Variants in ACTR3C observed in about 807,000 individuals in gnomAD.
ACTR3C encodes actin related protein 3C.
In ACTR3C, 18 loss-of-function variants were observed where a neutral mutation model predicts 26.3. The observed-to-expected ratio is 0.68, with a 90% CI of 0.47 to 1.01. The LOEUF (loss-of-function observed/expected upper bound fraction) is 1.01. Ranked by LOEUF, ACTR3C falls within the 50% of genes least tolerant of loss-of-function variation. ACTR3C has a pLI of 0.00. For missense variants in ACTR3C, 184 were observed against 250.7 expected (o/e 0.73, Z 1.80); for synonymous variants, 55 against 94.5 (o/e 0.58, Z 2.42).
the ACTR3C span, among the ~76,000 whole-genome samples, chr7:149,977,523 A>G: frequency 6.6e-6 from 1 of 152,200 alleles, no homozygotes; most frequent in African/African-American, 2.4e-5. Context: ...TTTCTACCAG[A>G]ACTCATTCTT....
chr7:150,291,035 A>G (rs1432189792), intron 3 of ACTR3C, among the ~76,000 whole-genome samples: 1 of 152,252 alleles, frequency 6.6e-6, no homozygotes, highest in Non-Finnish European at 1.5e-5. Context: ...ATATAACCTT[A>G]GGATTGTATT....
At chr7:150,265,526 T>A (rs1180677491) in intron 6 of ACTR3C, among the ~76,000 whole-genome samples, 1 of 152,158 alleles carries the variant, frequency 6.6e-6, no homozygotes, top group East Asian at 1.9e-4. Flanking sequence ...AAACCCCATC[T>A]CTACTAAAAA....
the ACTR3C span, among the ~76,000 whole-genome samples, chr7:150,113,585 C>A: frequency 6.6e-6 from 1 of 152,200 alleles, no homozygotes; most frequent in Non-Finnish European, 1.5e-5. Context: ...AACAATGACA[C>A]CAATTTATAC....
the ACTR3C span, among the ~76,000 whole-genome samples, chr7:150,035,178 T>C: frequency 9.4e-6 from 1 of 105,948 alleles, no homozygotes; most frequent in African/African-American, 3.7e-5. Flanking sequence ...GGGAAGAGGG[T>C]CTGGCTCTCA....
At chr7:150,003,409 T>G in the ACTR3C span, among the ~76,000 whole-genome samples, 1 of 151,354 alleles carries the variant, frequency 6.6e-6, no homozygotes, top group South Asian at 2.1e-4. Flanking sequence ...ATGGAAGAAG[T>G]GTGGCATGTA....
At chr7:150,037,144 TG>T in the ACTR3C span, among the ~76,000 whole-genome samples, 28 of 10,064 alleles carry the variant, frequency 2.8e-3, no homozygotes, top group African/African-American at 0.011. Flanking sequence ...CCCTGCCTCG[TG>T]GGGGGTGCCT....
the ACTR3C span, among the ~76,000 whole-genome samples, chr7:149,947,760 T>TC: frequency 2.1e-5 from 3 of 144,648 alleles, no homozygotes; most frequent in African/African-American, 8.7e-5. Context: ...GGTGCAGCTA[T>TC]CCTGGGGGTT....
chr7:150,025,110 G>C, the ACTR3C span, among the ~76,000 whole-genome samples: 10 of 147,512 alleles, frequency 6.8e-5, no homozygotes, highest in Non-Finnish European at 1.3e-4. Context: ...GAGTTTAGGG[G>C]GAATGAACAG....
At chr7:150,134,313 G>GGA in the ACTR3C span, among the ~76,000 whole-genome samples, 1 of 152,140 alleles carries the variant, frequency 6.6e-6, no homozygotes, top group African/African-American at 2.4e-5. Context: ...AAGATGAACG[G>GGA]GAGAAGGGGC....
downstream of ACTR3C, among the ~76,000 whole-genome samples, chr7:150,241,044 T>C (rs1418278038): frequency 6.6e-6 from 1 of 151,330 alleles, no homozygotes; most frequent in East Asian, 1.9e-4. Flanking sequence ...CTGAGAGAAA[T>C]TAAAGAAAGC....
chr7:149,965,712 G>A, the ACTR3C span, among the ~76,000 whole-genome samples: 1 of 152,194 alleles, frequency 6.6e-6, no homozygotes, highest in African/African-American at 2.4e-5. Context: ...CACCCCTTCT[G>A]GGAGCCGTGG....
chr7:149,998,755 C>A, the ACTR3C span, among the ~76,000 whole-genome samples: 1 of 150,402 alleles, frequency 6.6e-6, no homozygotes, highest in South Asian at 2.2e-4. Flanking sequence ...CATATCAATA[C>A]CTCTCCCTTC....
chr7:150,163,602 G>C, the ACTR3C span, among the ~76,000 whole-genome samples: 1 of 151,752 alleles, frequency 6.6e-6, no homozygotes, highest in African/African-American at 2.4e-5. Flanking sequence ...CACATGATTA[G>C]GAGGCTGAGA....
the ACTR3C span, among the ~76,000 whole-genome samples, chr7:150,225,873 A>G: frequency 3.3e-5 from 5 of 152,304 alleles, no homozygotes; most frequent in Admixed American, 1.3e-4. Context: ...TTCACTCCCC[A>G]ACCCCTGAAA....
intron 1 of ACTR3C, among the ~76,000 whole-genome samples, chr7:150,306,694 G>A (rs1189335329): frequency 2.0e-5 from 3 of 152,182 alleles, no homozygotes; most frequent in Non-Finnish European, 4.4e-5. Context: ...AAACAATTTA[G>A]CAATACCTCG....
At chr7:150,212,653 A>G in the ACTR3C span, among the ~76,000 whole-genome samples, 32,877 of 151,272 alleles carry the variant, frequency 0.22, 5,575 homozygotes, top group African/African-American at 0.47. Flanking sequence ...AGAATGAAGA[A>G]CAATGGTGGA....
At chr7:150,228,808 A>T in the ACTR3C span, among the ~76,000 whole-genome samples, 4,716 of 144,622 alleles carry the variant, frequency 0.033, 176 homozygotes, top group African/African-American at 0.072. Flanking sequence ...CATAGTAACA[A>T]TCAAATTATG....
At chr7:150,047,270 C>A in the ACTR3C span, among the ~76,000 whole-genome samples, 1 of 152,132 alleles carries the variant, frequency 6.6e-6, no homozygotes, top group African/African-American at 2.4e-5. Flanking sequence ...CGATCGAATT[C>A]TCTCCTTAGG....
the ACTR3C span, among the ~76,000 whole-genome samples, chr7:150,235,713 C>A: frequency 0.057 from 8,704 of 151,556 alleles, 456 homozygotes; most frequent in African/African-American, 0.13. Flanking sequence ...TGCTTTTAAA[C>A]AATTTCATTA....
Sources: allele counts gnomAD v4.1 joint callset (sites outside exome capture counted in the v4.1 genomes callset), GRCh38; gene constraint gnomAD v4.1.1; transcripts MANE v1.5; gene names NCBI Gene and HGNC (gene_info 2026-07-23, HGNC 2026-07-21).